Variants in DHX9 observed in about 807,000 individuals in gnomAD.
The protein encoded by DHX9 is ATP-dependent RNA helicase A.
A neutral mutation model predicts 148.7 loss-of-function variants in DHX9; 27 were observed. That is an observed-to-expected ratio of 0.18 (90% CI 0.13 to 0.25). DHX9 has a LOEUF of 0.25. Among genes scored for constraint, DHX9 ranks in the 10% least tolerant of loss-of-function variants. The probability of loss-of-function intolerance (pLI) is 1.00; values close to 1 mark genes in which losing one functional copy is unlikely to be tolerated. For missense variants in DHX9, 796 were observed against 1,559.6 expected (o/e 0.51, Z 8.25); for synonymous variants, 529 against 516.6 (o/e 1.02, Z -0.33).
At chr1:182,840,723 G>C (rs1442077777) in intron 1 of DHX9, among the ~76,000 whole-genome samples, 1 of 151,772 alleles carries the variant, frequency 6.6e-6, no homozygotes, top group Non-Finnish European at 1.5e-5. Flanking sequence ...AAGTAAAATA[G>C]TTCCATTTAG....
In DHX9 at chr1:182,872,332, A is replaced by T; in HGVS notation, c.1558-5A>T. ...TTCAAAAATTTTGTGTTTGTTTTTT[A>T]ATAGACTGACTTCCTTTTGGTAGTA... On this transcript the variant is annotated splice_region_variant and splice_polypyrimidine_tract_variant and intron_variant, in intron 14 of 27. Coordinates refer to ENST00000367549, the MANE Select transcript of DHX9 (RefSeq NM_001357.5). 5 of 1,598,708 alleles carry T rather than the reference A, an allele frequency of 3.1e-6. No individual in the cohort carries two copies. The highest frequency in any genetic ancestry group is 4.3e-6 in the Non-Finnish European group (5 of 1,174,372).
chr1:182,875,178 CAAAGG>C, intron 16 of DHX9: 1 of 560,706 alleles, frequency 1.8e-6, no homozygotes, highest in South Asian at 1.5e-5. Flanking sequence ...GCGTAAAGAT[CAAAGG>C]AAAAAGAAGA....
chr1:182,862,769 A>G (rs1668385815), intron 12 of DHX9, among the ~76,000 whole-genome samples: 1 of 152,232 alleles, frequency 6.6e-6, no homozygotes, highest in African/African-American at 2.4e-5. Context: ...GTAAATGGCA[A>G]GAGGTGTACA....
intron 14 of DHX9, among the ~76,000 whole-genome samples, chr1:182,867,700 AC>A (rs1170560464): frequency 3.3e-5 from 5 of 151,838 alleles, no homozygotes; most frequent in Admixed American, 1.3e-4. Context: ...ATTGTGCCCA[AC>A]CTATAATGTT....
intron 14 of DHX9, among the ~76,000 whole-genome samples, chr1:182,872,118 T>G (rs929931759): frequency 1.3e-5 from 2 of 152,216 alleles, no homozygotes; most frequent in African/African-American, 4.8e-5. Flanking sequence ...TAGCACTCAT[T>G]TCTAATCACA....
chr1:182,846,467 C>T (rs1463967976), intron 3 of DHX9, among the ~76,000 whole-genome samples: 1 of 152,214 alleles, frequency 6.6e-6, no homozygotes, highest in Non-Finnish European at 1.5e-5. Flanking sequence ...CTCCCAACCT[C>T]AGGTTATCTG....
intron 4 of DHX9, among the ~76,000 whole-genome samples, chr1:182,852,896 T>A (rs915679424): frequency 2.2e-5 from 3 of 138,650 alleles, no homozygotes; most frequent in Non-Finnish European, 4.5e-5. Context: ...AGTCTCATAT[T>A]TACTGTTTAT....
rs200752910 is a variant in DHX9, at chr1:182,881,643, A to G, written c.2910A>G (p.Pro970=). Residue 970 remains proline, a synonymous_variant, in exon 24 of 28, where the codon CCA becomes CCG. Transcript: ENST00000367549. ...AGATTTTGATTAATTCTGGGTTTCC[A>G]GAAGGTAAGACTTCTTCCATTCTTA... ...LKEILINSGF[P]EDCLLTQVFT... The G allele has an allele frequency of 8.3e-5, 132 of 1,599,434 alleles. No homozygotes were observed. Among genetic ancestry groups the G allele is most frequent in the Non-Finnish European group, 1.1e-4 (125 of 1,175,892 alleles).
In DHX9 at chr1:182,876,921, C is replaced by T; in HGVS notation, c.2198+18C>T. ...TCCTGCAAGTAAGTTACTGGGAAAC[C>T]TATTTGTCTGCTCCAGTGTTACTAA... On this transcript the variant is annotated intron_variant, in intron 19 of 27. Coordinates refer to ENST00000367549, the MANE Select transcript of DHX9 (RefSeq NM_001357.5). 1 of 1,585,282 alleles carries T rather than the reference C, an allele frequency of 6.3e-7. No individual in the cohort carries two copies. Among genetic ancestry groups the T allele is most frequent in the Non-Finnish European group, 8.7e-7 (1 of 1,155,420 alleles).
intron 15 of DHX9, 87 bp from the exon 16 acceptor site, chr1:182,874,767 T>C (rs1380485627): frequency 9.3e-7 from 1 of 1,070,574 alleles, no homozygotes; most frequent in South Asian, 1.3e-5. Flanking sequence ...ATTAAAGTAG[T>C]TTTGAACTAT....
At chr1:182,872,543 T>G in intron 15 of DHX9, 50 bp downstream of exon 15, 1 of 1,549,682 alleles carries the variant, frequency 6.5e-7, no homozygotes, top group Non-Finnish European at 8.8e-7. Flanking sequence ...ATAGGGTTTG[T>G]ATTTTCTTAA....
chr1:182,887,237 T>C lies in DHX9; in HGVS notation c.3616T>C (p.Phe1206Leu), dbSNP rs1191343578. ...AGGCTATGGTGGCAGCGCCAACTCCTTTCGGGCAGGATATGGTGCAGGTGT... is the reference window on the plus strand; with the variant it reads ...AGGCTATGGTGGCAGCGCCAACTCCCTTCGGGCAGGATATGGTGCAGGTGT... ...SGGYGGSANS[F>L]RAGYGAGVGG... Residue 1206 changes from phenylalanine (F) to leucine (L), a missense_variant, in exon 28 of 28, where the codon TTT (phenylalanine) becomes CTT (leucine). Coordinates refer to ENST00000367549, the MANE Select transcript of DHX9 (RefSeq NM_001357.5). The C allele has an allele frequency of 6.2e-7, 1 of 1,614,154 alleles. No homozygotes were observed. The highest frequency in any genetic ancestry group is 1.7e-5 in the Admixed American group (1 of 60,012).
At chr1:182,877,935 G>A in intron 19 of DHX9, 86 bp from the exon 20 acceptor site, 9 of 1,446,406 alleles carry the variant, frequency 6.2e-6, no homozygotes, top group African/African-American at 1.4e-5. Context: ...TAACTACATA[G>A]TGGAAAGCAT....
rs773632562 is a variant in DHX9 at position 182,856,525 on chromosome 1, G to A, written c.627-7G>A. The A allele has an allele frequency of 8.7e-6, 14 of 1,613,412 alleles. No individual in the cohort carries two copies. In the Admixed American group the frequency reaches 1.5e-4, roughly 17 times the overall value. ...ATTTCTAACCTTGCTTGTATATGTTGTTACAGGAGCTTTATTGCAGAAATG... is the reference window on the plus strand; with the variant it reads ...ATTTCTAACCTTGCTTGTATATGTTATTACAGGAGCTTTATTGCAGAAATG... On this transcript the variant is annotated splice_region_variant and splice_polypyrimidine_tract_variant and intron_variant, in intron 6 of 27. Transcript: ENST00000367549.
rs1171790387 is a variant in DHX9, at chr1:182,876,365, T to A, written c.2030-82T>A. 1.0e-5 allele frequency: 16 copies of A among 1,562,306 alleles called. No homozygotes were observed. In the South Asian group the frequency reaches 1.8e-4, roughly 18 times the overall value. ...ACAAAATTTTGTATTGTTTCTACTT[T>A]CGAATAAAAATATGTATAATGGAGA... is the stretch of plus-strand genomic sequence containing the variant. On this transcript the variant is annotated intron_variant, in intron 17 of 27. Coordinates refer to ENST00000367549, the MANE Select transcript of DHX9 (RefSeq NM_001357.5).
chr1:182,844,479 G>A (rs1425252139), intron 3 of DHX9, among the ~76,000 whole-genome samples: 1 of 152,184 alleles, frequency 6.6e-6, no homozygotes, highest in Non-Finnish European at 1.5e-5. Flanking sequence ...CAGTAGCTGG[G>A]ACTGTGGGTG....
chr1:182,884,487 T>G, intron 26 of DHX9, 126 bp from the exon 27 acceptor site: 1 of 855,254 alleles, frequency 1.2e-6, no homozygotes, highest in South Asian at 1.8e-5. Flanking sequence ...AAGTAGTTTT[T>G]TTTTTTAATA....
At chr1:182,841,841 A>G (rs1667937729) in intron 1 of DHX9, among the ~76,000 whole-genome samples, 2 of 152,226 alleles carry the variant, frequency 1.3e-5, no homozygotes, top group Non-Finnish European at 1.5e-5. Context: ...GAAAACTTTA[A>G]TATCCTCAAA....
Position 182,842,610 on chromosome 1 carries a change from G to C in DHX9, c.44G>C (p.Arg15Thr), listed in dbSNP as rs1268501267. Residue 15 changes from arginine (R) to threonine (T), a missense_variant, in exon 2 of 28, where the codon AGG becomes ACG. Arg to Thr is a moderately conservative substitution (Grantham distance 71). This residue lies in a region of DHX9 where 23 missense variants were observed against 89.5 expected (regional missense o/e 0.26). Transcript: ENST00000367549. Reference protein sequence around the residue: ...KNFLYAWCGKRKMTPSYEIRA... With the variant: ...KNFLYAWCGKTKMTPSYEIRA... The stretch of plus-strand genomic sequence containing the variant: ...TTTCTGTATGCCTGGTGTGGCAAAA[G>C]GAAGATGACCCCATCCTATGAAATT... The C allele has an allele frequency of 6.2e-7, 1 of 1,613,324 alleles. No individual in the cohort carries two copies. The highest frequency in any genetic ancestry group is 8.5e-7 in the Non-Finnish European group (1 of 1,179,644).
Sources: allele counts gnomAD v4.1 joint callset (sites outside exome capture counted in the v4.1 genomes callset), GRCh38; gene constraint gnomAD v4.1.1; regional missense constraint gnomAD v4.1.1; transcripts MANE v1.5; gene names NCBI Gene and HGNC (gene_info 2026-07-23, HGNC 2026-07-21).